The following PCDHA7 variants were observed in gnomAD, a reference collection of about 807,000 sequenced individuals.
PCDHA7 encodes protocadherin alpha-7.
In PCDHA7, 37 loss-of-function variants were observed where a neutral mutation model predicts 57.2. The observed-to-expected ratio is 0.65, with a 90% CI of 0.50 to 0.85. The LOEUF (loss-of-function observed/expected upper bound fraction) is 0.85, where lower values mean the gene tolerates loss of function less well. PCDHA7 is among the 40% of genes least tolerant of loss of function. The pLI is 0.00. For missense variants in PCDHA7, 1,188 were observed against 1,241.8 expected, an observed-to-expected ratio of 0.96 and a Z score of 0.65; for synonymous variants, 553 against 558.8, an observed-to-expected ratio of 0.99 and a Z score of 0.15.
At chr5:140,856,229 C>G (rs17844338) in intron 1 of PCDHA7, 1 of 1,597,934 alleles carries the variant, frequency 6.3e-7, no homozygotes, top group South Asian at 1.1e-5. Context: ...GCTGGTGCAG[C>G]GCCTGTTCCG....
intron 1 of PCDHA7, among the ~76,000 whole-genome samples, chr5:140,838,192 C>A (rs1473980507): frequency 1.3e-5 from 2 of 149,554 alleles, no homozygotes; most frequent in Non-Finnish European, 3.0e-5. Flanking sequence ...CAGCTCACTG[C>A]AAAATCCGCC....
chr5:140,966,109 C>G (rs373588380), intron 1 of PCDHA7: 47 of 156,394 alleles, frequency 3.0e-4, no homozygotes, highest in African/African-American at 1.1e-3. Context: ...GCCTGGGTGC[C>G]CATACTTAGC....
At chr5:140,851,197 G>A (rs1581255686) in intron 1 of PCDHA7, 1 of 1,202,520 alleles carries the variant, frequency 8.3e-7, no homozygotes. Flanking sequence ...TTAGTTGTTA[G>A]TCATTCATTA....
intron 1 of PCDHA7, chr5:140,870,758 T>C: frequency 1.2e-6 from 2 of 1,613,530 alleles, no homozygotes; most frequent in African/African-American, 2.7e-5. Flanking sequence ...ACGCTGCAGG[T>C]GTTCGTGCTG....
At chr5:140,987,690 T>C (rs4912736) in intron 3 of PCDHA7, among the ~76,000 whole-genome samples, 37,365 of 152,116 alleles carry the variant, frequency 0.25, 5,761 homozygotes, top group East Asian at 0.43. Context: ...AGTAGCTATT[T>C]TTAAATGATT....
At chr5:140,928,914 A>C in intron 1 of PCDHA7, 2 of 1,614,136 alleles carry the variant, frequency 1.2e-6, no homozygotes, top group Non-Finnish European at 1.7e-6. Flanking sequence ...GGGAACCAGG[A>C]GGGCAGCTTT....
chr5:140,907,623 G>A (rs553186767), intron 1 of PCDHA7, among the ~76,000 whole-genome samples: 3 of 152,234 alleles, frequency 2.0e-5, no homozygotes, highest in Non-Finnish European at 2.9e-5. Context: ...AGGGCTCAGT[G>A]TTGGTCTCTG....
At chr5:140,849,010 T>C in intron 1 of PCDHA7, 1 of 1,591,032 alleles carries the variant, frequency 6.3e-7, no homozygotes, top group Non-Finnish European at 8.6e-7. Context: ...ACTTACAGAC[T>C]GAGCCCCAAT....
At chr5:140,982,984 G>A (rs558088522) in intron 3 of PCDHA7, among the ~76,000 whole-genome samples, 11 of 151,694 alleles carry the variant, frequency 7.3e-5, no homozygotes, top group Non-Finnish European at 1.5e-4. Flanking sequence ...GAAAGAAAGA[G>A]AAAAAGAAGG....
chr5:140,849,753 G>C (rs1294538786), intron 1 of PCDHA7: 1 of 1,598,398 alleles, frequency 6.3e-7, no homozygotes, highest in Non-Finnish European at 8.6e-7. Flanking sequence ...GAGTGTGTCC[G>C]CCTACGAGCT....
At chr5:140,925,665 A>C (rs2082643258) in intron 1 of PCDHA7, among the ~76,000 whole-genome samples, 1 of 149,266 alleles carries the variant, frequency 6.7e-6, no homozygotes, top group Non-Finnish European at 1.5e-5. Flanking sequence ...TAATAATAAT[A>C]ATAATAATAA....
At chr5:140,866,073 G>A (rs1329544131) in intron 1 of PCDHA7, 1 of 152,068 alleles carries the variant, frequency 6.6e-6, no homozygotes, top group Non-Finnish European at 1.5e-5. Flanking sequence ...ACTGAGATAG[G>A]TATTTTGGTT....
intron 1 of PCDHA7, among the ~76,000 whole-genome samples, chr5:140,937,688 G>A (rs112584533): frequency 0.018 from 2,711 of 151,860 alleles, 77 homozygotes; most frequent in African/African-American, 0.063. Context: ...TGAGGCAGGC[G>A]GATCACGAGG....
rs782731784 is a variant in PCDHA7, at chr5:140,857,723, G to A, written c.2355+20985G>A. 2.5e-6 allele frequency: 4 copies of A among 1,597,400 alleles called. No individual in the cohort carries two copies. Among genetic ancestry groups the A allele is most frequent in the Admixed American group, 1.7e-5 (1 of 59,286 alleles). On this transcript the variant is annotated intron_variant, in intron 1 of 3. Transcript: ENST00000525929. ...GCAGGTGTTCGTGCTGGACGAGAAC[G>A]ACAACGCTCCCGCGCTGCTGGCGTC...
chr5:140,851,389 TCTATTATTTTAATAA>T, intron 1 of PCDHA7: 2 of 974,212 alleles, frequency 2.1e-6, no homozygotes, highest in Non-Finnish European at 2.5e-6. Flanking sequence ...ACCTTCAGTA[TCTATTATTTTAATAA>T]GAAAGAAACT....
chr5:140,858,599 T>C (rs2045504873), intron 1 of PCDHA7: 1 of 1,295,538 alleles, frequency 7.7e-7, no homozygotes, highest in Non-Finnish European at 1.1e-6. Flanking sequence ...TCCAGGAGTT[T>C]TAAAATTTTT....
chr5:140,844,854 T>C (rs1315515801), intron 1 of PCDHA7, among the ~76,000 whole-genome samples: 10 of 149,524 alleles, frequency 6.7e-5, no homozygotes, highest in African/African-American at 2.4e-4. Context: ...CTGTTGGACC[T>C]GCCTGGATAT....
intron 1 of PCDHA7, among the ~76,000 whole-genome samples, chr5:140,959,421 TTTG>T (rs1393541693): frequency 6.6e-6 from 1 of 152,102 alleles, no homozygotes; most frequent in East Asian, 1.9e-4. Flanking sequence ...GATCTGAGAA[TTTG>T]TGTATTTTTT....
intron 1 of PCDHA7, chr5:140,884,779 G>C: frequency 1.4e-6 from 2 of 1,404,226 alleles, no homozygotes; most frequent in Non-Finnish European, 1.9e-6. Context: ...TTTTAATTTT[G>C]CTAGTTGTTA....
Sources: allele counts gnomAD v4.1 joint callset (sites outside exome capture counted in the v4.1 genomes callset), GRCh38; gene constraint gnomAD v4.1.1; transcripts MANE v1.5; gene names NCBI Gene and HGNC (gene_info 2026-07-23, HGNC 2026-07-21).